Variants in PLEKHS1 observed in about 807,000 individuals in gnomAD.
PLEKHS1 encodes pleckstrin homology domain-containing family S member 1.
PLEKHS1 carries 55 observed loss-of-function variants against 51.0 expected under a neutral mutation model. The observed-to-expected ratio is 1.08, with a 90% CI of 0.87 to 1.35. PLEKHS1 has a LOEUF of 1.35. PLEKHS1 is among the 40% of genes most tolerant of loss of function. PLEKHS1 has a pLI of 0.00. For synonymous variants in PLEKHS1, 153 were observed against 144.8 expected, an observed-to-expected ratio of 1.06 and a Z score of -0.41; for missense variants, 398 against 423.0, an observed-to-expected ratio of 0.94 and a Z score of 0.52.
At position 113,767,328 on chromosome 10, in the gene PLEKHS1, G is replaced by T; in HGVS notation, c.225-17G>T. ...TGTATTTACCTTGGTTTAATACTTTGTGTCTATATCTAATAGAAATTCCAG... is the reference window on the plus strand; with the variant it reads ...TGTATTTACCTTGGTTTAATACTTTTTGTCTATATCTAATAGAAATTCCAG... On this transcript the variant is annotated splice_polypyrimidine_tract_variant and intron_variant, in intron 4 of 11. Coordinates refer to ENST00000361048, the Ensembl canonical transcript of PLEKHS1. 1 of 1,560,914 alleles carries T rather than the reference G, an allele frequency of 6.4e-7. No individual in the cohort carries two copies. Among genetic ancestry groups the T allele is most frequent in the East Asian group, 2.3e-5 (1 of 43,624 alleles).
At chr10:113,767,431 T>C (rs764017214) in exon 5 of PLEKHS1, 1 of 1,613,312 alleles carries the variant, frequency 6.2e-7, no homozygotes. Flanking sequence ...GATGAGGTCA[T>C]GTCCATCAGA....
exon 7 of PLEKHS1, chr10:113,769,802 A>G (rs1844321701): frequency 6.2e-7 from 1 of 1,613,102 alleles, no homozygotes; most frequent in Non-Finnish European, 8.5e-7. Context: ...CTCATTGGGT[A>G]ATAAAAGAAC....
At chr10:113,765,281 T>C (rs532533859) in intron 2 of PLEKHS1, 38 of 760,372 alleles carry the variant, frequency 5.0e-5, no homozygotes, top group Middle Eastern at 2.3e-4. Context: ...GTGCTCAGTG[T>C]AGAACTAGTA....
intron 10 of PLEKHS1, 81 bp from the exon 11 acceptor site, chr10:113,775,684 G>T: frequency 3.6e-6 from 3 of 825,926 alleles, no homozygotes; most frequent in South Asian, 2.0e-5. Context: ...CAGAAATAGA[G>T]GCCAAAAGTC....
chr10:113,778,643 CTTTTTTT>C (rs55821501), intron 11 of PLEKHS1, among the ~76,000 whole-genome samples: 1 of 127,114 alleles, frequency 7.9e-6, no homozygotes, highest in Admixed American at 8.9e-5. Flanking sequence ...CGTTCACTTT[CTTTTTTT>C]TTTTTTTTTT....
Position 113,755,324 on chromosome 10 carries a change from C to T in PLEKHS1, c.28+19C>T, listed in dbSNP as rs745689815. The T allele has an allele frequency of 5.6e-6, 9 of 1,602,468 alleles. No homozygotes were observed. Among genetic ancestry groups the T allele is most frequent in the Middle Eastern group, 1.7e-4 (1 of 6,034 alleles). ...AGTCCAGGTACCCGAGGGGTATAATCGCAGAAGCAGAAATCTTTTTATTGA... is the reference window on the plus strand; with the variant it reads ...AGTCCAGGTACCCGAGGGGTATAATTGCAGAAGCAGAAATCTTTTTATTGA... On this transcript the variant is annotated intron_variant, in intron 2 of 11. Coordinates refer to ENST00000361048, the Ensembl canonical transcript of PLEKHS1.
chr10:113,764,037 C>T (rs753859984), intron 2 of PLEKHS1, among the ~76,000 whole-genome samples: 1 of 152,108 alleles, frequency 6.6e-6, no homozygotes, highest in Admixed American at 6.6e-5. Context: ...TTTTAAAAGA[C>T]ATTTTTGCTG....
intron 2 of PLEKHS1, among the ~76,000 whole-genome samples, chr10:113,763,622 G>A (rs1844040285): frequency 6.6e-6 from 1 of 151,794 alleles, no homozygotes; most frequent in Non-Finnish European, 1.5e-5. Context: ...TGTTATTTTA[G>A]TGATTGCTTT....
At chr10:113,762,642 T>C (rs143933524) in intron 2 of PLEKHS1, among the ~76,000 whole-genome samples, 2 of 152,094 alleles carry the variant, frequency 1.3e-5, no homozygotes, top group South Asian at 2.1e-4. Flanking sequence ...TGTTATTGAT[T>C]TATAATTTGA....
intron 1 of PLEKHS1, among the ~76,000 whole-genome samples, chr10:113,754,639 C>A (rs536814790): frequency 1.4e-4 from 21 of 152,248 alleles, no homozygotes; most frequent in Middle Eastern, 3.4e-3. Context: ...GTGCCCACCA[C>A]CACACCCGGC....
chr10:113,770,772 C>T (rs980995062), intron 7 of PLEKHS1, among the ~76,000 whole-genome samples: 2 of 152,186 alleles, frequency 1.3e-5, no homozygotes, highest in Non-Finnish European at 2.9e-5. Context: ...TTGCTTTTCA[C>T]TCATGATATC....
chr10:113,770,001 C>A, intron 7 of PLEKHS1, 101 bp downstream of exon 7: 1 of 844,466 alleles, frequency 1.2e-6, no homozygotes, highest in Non-Finnish European at 2.0e-6. Context: ...GCCCACCTTC[C>A]TCAAAGCCCG....
At chr10:113,775,174 C>T in intron 10 of PLEKHS1, 139 bp downstream of exon 10, 1 of 753,932 alleles carries the variant, frequency 1.3e-6, no homozygotes, top group Middle Eastern at 3.8e-4. Context: ...ACCATCTTCT[C>T]CCTGTCATTG....
At chr10:113,775,218 C>T (rs73361857) in intron 10 of PLEKHS1, among the ~76,000 whole-genome samples, 183 bp downstream of exon 10, 3,068 of 151,888 alleles carry the variant, frequency 0.02, 99 homozygotes, top group African/African-American at 0.07. Flanking sequence ...TGATAGATCT[C>T]AAGTAAAGCA....
chr10:113,783,427 G>A (rs1844908055), downstream of PLEKHS1: 2 of 152,168 alleles, frequency 1.3e-5, no homozygotes, highest in African/African-American at 2.4e-5. Context: ...GTGTTTGTGT[G>A]TATGTATATG....
At chr10:113,758,431 C>T (rs1002225142) in intron 2 of PLEKHS1, among the ~76,000 whole-genome samples, 2 of 151,430 alleles carry the variant, frequency 1.3e-5, no homozygotes, top group Non-Finnish European at 2.9e-5. Context: ...TGAAAGGAAT[C>T]TTTTTTTTTC....
chr10:113,775,200 A>G (rs1844593775), intron 10 of PLEKHS1, among the ~76,000 whole-genome samples, 165 bp downstream of exon 10: 1 of 152,018 alleles, frequency 6.6e-6, no homozygotes, highest in African/African-American at 2.4e-5. Flanking sequence ...GTGGCCAAGG[A>G]GAGGGGATGA....
At chr10:113,779,783 G>A (rs1168298877) in intron 11 of PLEKHS1, among the ~76,000 whole-genome samples, 3 of 152,158 alleles carry the variant, frequency 2.0e-5, no homozygotes, top group African/African-American at 4.8e-5. Context: ...AGACTGTGGA[G>A]TCATTGCATT....
At chr10:113,758,107 C>T (rs576819798) in intron 2 of PLEKHS1, among the ~76,000 whole-genome samples, 1 of 152,304 alleles carries the variant, frequency 6.6e-6, no homozygotes, top group South Asian at 2.1e-4. Flanking sequence ...CTCCAGACTC[C>T]TGTTGATGTT....
Sources: allele counts gnomAD v4.1 joint callset (sites outside exome capture counted in the v4.1 genomes callset), GRCh38; gene constraint gnomAD v4.1.1; transcripts MANE v1.5; gene names NCBI Gene and HGNC (gene_info 2026-07-23, HGNC 2026-07-21).